The following TPD52L1 variants were observed in gnomAD, a reference collection of about 807,000 sequenced individuals.
The protein encoded by TPD52L1 is TPD52 like 1.
TPD52L1 carries 18 observed loss-of-function variants against 28.7 expected under a neutral mutation model. That is an observed-to-expected ratio of 0.63 (90% CI 0.43 to 0.93). The LOEUF is 0.93. Among genes scored for constraint, TPD52L1 ranks in the 40% least tolerant of loss-of-function variants. TPD52L1 has a pLI of 0.00. For missense variants in TPD52L1, 203 were observed against 254.8 expected, an observed-to-expected ratio of 0.80 and a Z score of 1.39; for synonymous variants, 75 against 88.8, an observed-to-expected ratio of 0.84 and a Z score of 0.88.
chr6:125,183,343 G>A (rs1220570104), intron 1 of TPD52L1, among the ~76,000 whole-genome samples: 1 of 152,188 alleles, frequency 6.6e-6, no homozygotes, highest in African/African-American at 2.4e-5. Context: ...GCTGGACATA[G>A]TGGTGTGTGC....
intron 3 of TPD52L1, among the ~76,000 whole-genome samples, chr6:125,235,610 T>TG (rs1796218186): frequency 6.6e-6 from 1 of 152,192 alleles, no homozygotes; most frequent in Non-Finnish European, 1.5e-5. Context: ...CTATTTCTCA[T>TG]GGGGTCTCTG....
At chr6:125,260,266 A>T (rs547076101) in intron 6 of TPD52L1, 2 of 152,326 alleles carry the variant, frequency 1.3e-5, no homozygotes, top group South Asian at 4.1e-4. Flanking sequence ...GAAAAATCAC[A>T]CAATGGAAAC....
chr6:125,186,113 C>T (rs898226950), intron 1 of TPD52L1, among the ~76,000 whole-genome samples: 1 of 151,950 alleles, frequency 6.6e-6, no homozygotes, highest in African/African-American at 2.4e-5. Flanking sequence ...AGGCTGGTCT[C>T]GAACTCCTGA....
chr6:125,258,970 TC>T (rs1189616808), intron 6 of TPD52L1, among the ~76,000 whole-genome samples: 1 of 152,202 alleles, frequency 6.6e-6, no homozygotes, highest in Non-Finnish European at 1.5e-5. Flanking sequence ...ACCTCCCACT[TC>T]CTAAATAATT....
intron 2 of TPD52L1, 80 bp from the exon 3 acceptor site, chr6:125,229,038 T>A: frequency 6.7e-7 from 1 of 1,484,982 alleles, no homozygotes; most frequent in South Asian, 1.3e-5. Context: ...AGAGGCTGCT[T>A]TGGAATACCC....
chr6:125,154,445 C>A (rs919445307), intron 1 of TPD52L1: 1 of 987,144 alleles, frequency 1.0e-6, no homozygotes, highest in Non-Finnish European at 1.2e-6. Context: ...CTCCGCAGCC[C>A]GGCTGCGCGA....
chr6:125,250,968 G>A (rs745547099), intron 4 of TPD52L1, among the ~76,000 whole-genome samples: 61 of 152,122 alleles, frequency 4.0e-4, no homozygotes, highest in Non-Finnish European at 6.9e-4. Context: ...TATTTTATGT[G>A]TATATTTCTC....
intron 3 of TPD52L1, among the ~76,000 whole-genome samples, chr6:125,243,034 TTCTC>T (rs1327715038): frequency 1.3e-5 from 2 of 152,042 alleles, no homozygotes; most frequent in South Asian, 4.1e-4. Flanking sequence ...GCAAAAGACT[TTCTC>T]TCTCTTTCAT....
chr6:125,222,985 T>G (rs2114969974), intron 2 of TPD52L1, among the ~76,000 whole-genome samples: 1 of 152,036 alleles, frequency 6.6e-6, no homozygotes, highest in East Asian at 1.9e-4. Flanking sequence ...ATTTCTTTGT[T>G]TTCTGCCTGT....
At chr6:125,160,850 C>CTTTTTTT (rs57061570) in intron 1 of TPD52L1, among the ~76,000 whole-genome samples, 2 of 129,480 alleles carry the variant, frequency 1.5e-5, no homozygotes, top group African/African-American at 3.0e-5. Context: ...ACAGAGATGA[C>CTTTTTTT]TTTTTTTTTT....
intron 6 of TPD52L1, chr6:125,260,960 GA>G (rs1208412553): frequency 1.6e-4 from 7 of 43,504 alleles, no homozygotes; most frequent in African/African-American, 1.4e-3. Context: ...AAGAAAGAAA[GA>G]AAGAAAGAAA....
chr6:125,254,497 T>A (rs889292049), intron 5 of TPD52L1, among the ~76,000 whole-genome samples: 15 of 152,090 alleles, frequency 9.9e-5, no homozygotes, highest in African/African-American at 3.4e-4. Context: ...TAGAACCAGA[T>A]TAGCTGCTTG....
At chr6:125,185,158 T>G (rs150889296) in intron 1 of TPD52L1, among the ~76,000 whole-genome samples, 110 of 152,280 alleles carry the variant, frequency 7.2e-4, no homozygotes, top group African/African-American at 2.6e-3. Flanking sequence ...CAACTATAAA[T>G]GCATTTTTAA....
intron 1 of TPD52L1, among the ~76,000 whole-genome samples, chr6:125,215,180 T>G (rs1179149768): frequency 6.6e-6 from 1 of 152,232 alleles, no homozygotes; most frequent in African/African-American, 2.4e-5. Context: ...ATTTTATACT[T>G]ATTTTATTGC....
At chr6:125,241,023 C>G (rs530796092) in intron 3 of TPD52L1, among the ~76,000 whole-genome samples, 94 of 151,980 alleles carry the variant, frequency 6.2e-4, no homozygotes, top group Admixed American at 1.2e-3. Context: ...ATGCAGAGAT[C>G]TTTAATCATA....
At chr6:125,181,679 T>C (rs1202652227) in intron 1 of TPD52L1, among the ~76,000 whole-genome samples, 1 of 152,210 alleles carries the variant, frequency 6.6e-6, no homozygotes, top group Non-Finnish European at 1.5e-5. Flanking sequence ...TGGGGATACA[T>C]AGTGTTTTTC....
In TPD52L1 at chr6:125,175,234, C is replaced by T. The variant is rs370074138; in HGVS notation, c.19+21264C>T. On this transcript the variant is annotated intron_variant, in intron 1 of 6. Transcript: ENST00000534000. ...ATGGAGAGCACTCTATAAATACATG[C>T]GGGGAAAACAATGAATGAATGAATA... is the stretch of plus-strand genomic sequence containing the variant. 3.3e-5 allele frequency among the ~76,000 whole-genome samples: 5 copies of T among 151,924 alleles called. No homozygotes were observed. In the East Asian group the frequency reaches 5.8e-4, roughly 18 times the overall value.
intron 3 of TPD52L1, among the ~76,000 whole-genome samples, chr6:125,246,485 C>T (rs1796932139): frequency 6.6e-6 from 1 of 152,152 alleles, no homozygotes; most frequent in South Asian, 2.1e-4. Flanking sequence ...GCCCTGTCTC[C>T]TATCTGCCAT....
chr6:125,218,080 A>G (rs770976577), intron 1 of TPD52L1, among the ~76,000 whole-genome samples: 29 of 152,198 alleles, frequency 1.9e-4, no homozygotes, highest in Admixed American at 3.9e-4. Flanking sequence ...TCTAATGCTC[A>G]TGTAGGTTGT....
Sources: allele counts gnomAD v4.1 joint callset (sites outside exome capture counted in the v4.1 genomes callset), GRCh38; gene constraint gnomAD v4.1.1; transcripts MANE v1.5; gene names NCBI Gene and HGNC (gene_info 2026-07-23, HGNC 2026-07-21).